The following PTP4A3 variants were observed in gnomAD, a reference collection of about 807,000 sequenced individuals.
The protein encoded by PTP4A3 is protein tyrosine phosphatase type IVA 3.
PTP4A3 carries 9 observed loss-of-function variants against 15.2 expected under a neutral mutation model. That is an observed-to-expected ratio of 0.59 (90% CI 0.36 to 1.03). PTP4A3 has a LOEUF of 1.03. PTP4A3 is among the 50% of genes least tolerant of loss of function. The pLI is 0.02. For synonymous variants in PTP4A3, 95 were observed against 102.0 expected, an observed-to-expected ratio of 0.93 and a Z score of 0.41; for missense variants, 234 against 252.1, an observed-to-expected ratio of 0.93 and a Z score of 0.49.
chr8:141,396,745 T>C (rs1832460533), intron 1 of PTP4A3, among the ~76,000 whole-genome samples: 2 of 152,168 alleles, frequency 1.3e-5, no homozygotes, highest in Non-Finnish European at 1.5e-5. Context: ...CACGCCAGCT[T>C]GGTCATGTCA....
Position 141,427,024 on chromosome 8 carries a change from C to A in PTP4A3, c.284C>A (p.Ala95Asp). The A allele has an allele frequency of 6.2e-7, 1 of 1,602,576 alleles. No homozygotes were observed. The highest frequency in any genetic ancestry group is 8.5e-7 in the Non-Finnish European group (1 of 1,179,776). ...CTGGTGAAGGCCAAGTTCTGTGAGG[C>A]CCCCGGCAGCTGCGTGGCTGTGCAC... ...LSLVKAKFCE[A>D]PGSCVAVHCV... The change falls in exon 4 of 6, where the codon GCC becomes GAC. Residue 95 changes from alanine to aspartate, a missense_variant. By Grantham distance (126) the Ala-to-Asp change is moderately radical (BLOSUM62 -2). Coordinates refer to ENST00000521578, the MANE Select transcript of PTP4A3 (RefSeq NM_032611.3).
At position 141,425,614 on chromosome 8, in the gene PTP4A3, C is replaced by T. The variant is rs575545342; in HGVS notation, c.198+474C>T. ...GGCGGGGGGTGGGGCGGTTCTGCTG[C>T]GATATCCTTGGGGGGGTGGGCCACA... On this transcript the variant is annotated intron_variant, in intron 3 of 5. Transcript: ENST00000521578. The surrounding 1 kb of genome is among the most constrained non-coding windows in gnomAD (Gnocchi z 4.2). Among the ~76,000 whole-genome samples, 35 of 145,138 alleles carry T rather than the reference C, an allele frequency of 2.4e-4. No individual in the cohort carries two copies. Among genetic ancestry groups the T allele is most frequent in the African/African-American group, 8.3e-4 (32 of 38,754 alleles).
intron 1 of PTP4A3, among the ~76,000 whole-genome samples, chr8:141,394,127 C>T (rs1054260404): frequency 6.6e-6 from 1 of 152,186 alleles, no homozygotes; most frequent in Non-Finnish European, 1.5e-5. Context: ...TGCACGTGAC[C>T]TCCTTAGGGA....
intron 1 of PTP4A3, among the ~76,000 whole-genome samples, chr8:141,405,105 A>G (rs572640477): frequency 6.6e-6 from 1 of 152,358 alleles, no homozygotes; most frequent in Admixed American, 6.5e-5. Flanking sequence ...TGACAGGGAC[A>G]GACAAGTCAC....
chr8:141,422,702 G>C (rs1321811290), intron 2 of PTP4A3, among the ~76,000 whole-genome samples: 1 of 152,222 alleles, frequency 6.6e-6, no homozygotes, highest in Non-Finnish European at 1.5e-5. Context: ...GCCCTCCCGA[G>C]CCCTTTGCTG....
intron 5 of PTP4A3, 104 bp from the exon 6 acceptor site, chr8:141,430,823 C>T (rs1586575353): frequency 8.2e-6 from 9 of 1,098,868 alleles, no homozygotes; most frequent in African/African-American, 1.6e-5. Context: ...AGCCTCAAGG[C>T]CTTACTCCAG....
chr8:141,426,417 C>A (rs1194313216), intron 3 of PTP4A3: 1 of 984,434 alleles, frequency 1.0e-6, no homozygotes, highest in African/African-American at 1.7e-5. Context: ...TGTTTCGAGT[C>A]CTGCCCTCAG....
At chr8:141,419,195 G>T (rs761070467) in intron 1 of PTP4A3, among the ~76,000 whole-genome samples, 1 of 152,182 alleles carries the variant, frequency 6.6e-6, no homozygotes, top group Non-Finnish European at 1.5e-5. Context: ...CAGCCCTGAG[G>T]ACCTGTGCAG....
At chr8:141,403,329 ATGT>A (rs1236075182) in intron 1 of PTP4A3, among the ~76,000 whole-genome samples, 2 of 152,076 alleles carry the variant, frequency 1.3e-5, no homozygotes, top group African/African-American at 4.8e-5. Flanking sequence ...AGATGGGAGA[ATGT>A]TGTGGGATTC....
rs533432952 is a variant in PTP4A3, at chr8:141,395,215, G to C, written c.-854+3131G>C. ...CGTTCACCTGGCAGAGAGTGTGCGC[G>C]TGTCTCCCCTCCTTGGGGCGCCTCA... On this transcript the variant is annotated intron_variant, in intron 1 of 5. Transcript: ENST00000521578. Among the ~76,000 whole-genome samples, 213 of 152,328 alleles carry C rather than the reference G, an allele frequency of 1.4e-3. 2 individuals carry two copies. The highest frequency in any genetic ancestry group is 1.7e-3 in the South Asian group (8 of 4,830).
At chr8:141,396,054 A>T (rs755211793) in intron 1 of PTP4A3, among the ~76,000 whole-genome samples, 2 of 152,046 alleles carry the variant, frequency 1.3e-5, no homozygotes, top group Non-Finnish European at 2.9e-5. Context: ...GCCTAACCTG[A>T]TGTGTAACCC....
chr8:141,422,479 C>G, intron 2 of PTP4A3, 134 bp downstream of exon 2: 1 of 937,272 alleles, frequency 1.1e-6, no homozygotes, highest in Non-Finnish European at 1.6e-6. Context: ...GGAACAAAGC[C>G]CAGTCGCCTG....
At chr8:141,401,083 C>T (rs1455416711) in intron 1 of PTP4A3, among the ~76,000 whole-genome samples, 3 of 152,270 alleles carry the variant, frequency 2.0e-5, no homozygotes, top group African/African-American at 7.2e-5. Flanking sequence ...CGTCGCGAGC[C>T]TCTTCTGGGC....
rs1129628 is a variant in PTP4A3, at chr8:141,431,417, C to T, written c.*373C>T. 7 of 269,038 alleles carry T rather than the reference C, an allele frequency of 2.6e-5. No homozygotes were observed. Among genetic ancestry groups the T allele is most frequent in the Non-Finnish European group, 4.2e-5 (6 of 142,428 alleles). 16.7% of individuals were successfully genotyped at this position (269,038 alleles called of 1,614,324 possible). A position where few individuals can be genotyped will look rare whatever the true frequency, so the allele number is the denominator to read the frequency against. On this transcript the variant is annotated 3_prime_UTR_variant, in exon 6 of 6. Coordinates refer to ENST00000521578, the MANE Select transcript of PTP4A3 (RefSeq NM_032611.3). Reference sequence around the variant, plus strand: ...TGTAACCACTGGGCCCCCAGCCCCTCTTTTGCGACCCCTTGTCCTGACCTG... The same window carrying T: ...TGTAACCACTGGGCCCCCAGCCCCTTTTTTGCGACCCCTTGTCCTGACCTG...
chr8:141,396,514 C>T (rs916409314), intron 1 of PTP4A3, among the ~76,000 whole-genome samples: 3 of 152,160 alleles, frequency 2.0e-5, no homozygotes, highest in Non-Finnish European at 2.9e-5. Flanking sequence ...CCTCTCTCAC[C>T]GAGCCCACAG....
chr8:141,409,754 C>T (rs933656408), intron 1 of PTP4A3, among the ~76,000 whole-genome samples: 11 of 152,334 alleles, frequency 7.2e-5, no homozygotes, highest in Admixed American at 3.3e-4. Context: ...GTGCTCAAAG[C>T]GGGCAGTGCA....
Position 141,431,035 on chromosome 8 carries a change from C to T in PTP4A3, c.513C>T (p.Cys171=), listed in dbSNP as rs150126504. ...CACACACGCACAAGACCCGGTGCTG[C>T]GTTATGTAGCTCAGGACCTTGGCTG... ...KDPHTHKTRC[C]VM is the part of the protein sequence containing the mutation. Residue 171 remains cysteine (C), a synonymous_variant, in exon 6 of 6, where the codon TGC becomes TGT. Coordinates refer to ENST00000521578, the MANE Select transcript of PTP4A3 (RefSeq NM_032611.3). The T allele has an allele frequency of 7.8e-5, 126 of 1,613,050 alleles. No individual in the cohort carries two copies. In the African/African-American group the frequency reaches 8.1e-4, roughly 10 times the overall value.
intron 2 of PTP4A3, among the ~76,000 whole-genome samples, chr8:141,423,390 GGTTAA>G (rs1299500063): frequency 6.6e-6 from 1 of 152,232 alleles, no homozygotes; most frequent in Admixed American, 6.5e-5. Context: ...CTGGGATCAG[GGTTAA>G]GTCTGTAACC....
chr8:141,425,196 C>CCCCGGGGGGGGGGGGGGGGGGG lies in PTP4A3; in HGVS notation c.198+56_198+57insCCCGGGGGGGGGGGGGGGGGGG. ...CTGCTGCCACCGGGGGAGGGTGGGGCGGGGGGCTCCGGGCCTGCGCAGAGG... is the reference window on the plus strand; with the variant it reads ...CTGCTGCCACCGGGGGAGGGTGGGGCCCCGGGGGGGGGGGGGGGGGGGGGGGGGCTCCGGGCCTGCGCAGAGG... On this transcript the variant is annotated intron_variant, in intron 3 of 5. Coordinates refer to ENST00000521578, the MANE Select transcript of PTP4A3 (RefSeq NM_032611.3). The surrounding 1 kb of genome is among the most constrained non-coding windows in gnomAD (Gnocchi z 4.2). The CCCCGGGGGGGGGGGGGGGGGGG allele has an allele frequency of 2.8e-6, 1 of 361,484 alleles. No homozygotes were observed. Among genetic ancestry groups the CCCCGGGGGGGGGGGGGGGGGGG allele is most frequent in the Non-Finnish European group, 5.4e-6 (1 of 185,990 alleles). 22.4% of individuals were successfully genotyped at this position (361,484 alleles called of 1,614,324 possible).
Sources: allele counts gnomAD v4.1 joint callset (sites outside exome capture counted in the v4.1 genomes callset), GRCh38; gene constraint gnomAD v4.1.1; non-coding constraint Gnocchi (gnomAD v3.1); transcripts MANE v1.5; gene names NCBI Gene and HGNC (gene_info 2026-07-23, HGNC 2026-07-21).